Variants in BBX observed in about 807,000 individuals in gnomAD.
BBX encodes the protein HMG box transcription factor BBX.
A neutral mutation model predicts 100.2 loss-of-function variants in BBX; 30 were observed. The observed-to-expected ratio is 0.30, with a 90% confidence interval of 0.22 to 0.41. The LOEUF (loss-of-function observed/expected upper bound fraction) is 0.41, where lower values mean the gene tolerates loss of function less well. Among genes scored for constraint, BBX ranks in the 10% least tolerant of loss-of-function variants. BBX has a pLI of 1.00. For synonymous variants in BBX, 376 were observed against 388.1 expected (o/e 0.97, Z 0.37); for missense variants, 1,023 against 1,129.8 (o/e 0.91, Z 1.35).
At chr3:107,573,752 G>C (rs1010064103) in intron 2 of BBX, among the ~76,000 whole-genome samples, 5 of 151,778 alleles carry the variant, frequency 3.3e-5, no homozygotes, top group Admixed American at 1.3e-4. Flanking sequence ...TTGAGGTAAG[G>C]TTTCGCTCTT....
intron 2 of BBX, among the ~76,000 whole-genome samples, chr3:107,576,348 C>A (rs1328522668): frequency 2.0e-5 from 3 of 152,124 alleles, no homozygotes; most frequent in Non-Finnish European, 2.9e-5. Context: ...GTGATTTTTT[C>A]AATATCTTTT....
intron 5 of BBX, among the ~76,000 whole-genome samples, chr3:107,719,298 G>GTGGATA (rs1250882414): frequency 3.9e-5 from 6 of 152,030 alleles, no homozygotes; most frequent in African/African-American, 1.4e-4. Context: ...GGATGTGGAT[G>GTGGATA]TGAATGCTTA....
chr3:107,736,361 TACA>T (rs1421801159), intron 7 of BBX, among the ~76,000 whole-genome samples: 1 of 151,848 alleles, frequency 6.6e-6, no homozygotes, highest in Non-Finnish European at 1.5e-5. Context: ...GGCAGGGAGC[TACA>T]ACGGAGATGA....
chr3:107,728,091 G>A (rs2063084209), intron 5 of BBX, among the ~76,000 whole-genome samples: 1 of 152,122 alleles, frequency 6.6e-6, no homozygotes, highest in Non-Finnish European at 1.5e-5. Context: ...CTCCAAGTAA[G>A]ACAAAATTTG....
At chr3:107,549,889 A>G (rs1369657298) in intron 2 of BBX, among the ~76,000 whole-genome samples, 3 of 138,744 alleles carry the variant, frequency 2.2e-5, no homozygotes, top group Non-Finnish European at 4.6e-5. Context: ...TTTTTTTTTA[A>G]TACTGAATGG....
At position 107,810,309 on chromosome 3, in the gene BBX, A is replaced by T. The variant is rs1306047751; in HGVS notation, c.*4852A>T. 6.6e-6 allele frequency: 1 copy of T among 151,994 alleles called. No homozygotes were observed. Among genetic ancestry groups the T allele is most frequent in the Non-Finnish European group, 1.5e-5 (1 of 68,014 alleles). 9.4% of individuals were successfully genotyped at this position (151,994 alleles called of 1,614,324 possible). On this transcript the variant is annotated 3_prime_UTR_variant, in exon 18 of 18. Coordinates refer to ENST00000325805, the MANE Select transcript of BBX (RefSeq NM_001142568.3). ...GAGAGAGGAAACCTTGTGGTTAAAA[A>T]TTATATGGCTGCTGTTTTCTTTTTG...
intron 4 of BBX, among the ~76,000 whole-genome samples, chr3:107,712,808 G>C (rs1031367293): frequency 6.6e-6 from 1 of 152,186 alleles, no homozygotes; most frequent in African/African-American, 2.4e-5. Flanking sequence ...ACTGCTCTCT[G>C]TGCTCACTGT....
chr3:107,570,659 TA>T (rs1044818880), intron 2 of BBX, among the ~76,000 whole-genome samples: 1 of 151,836 alleles, frequency 6.6e-6, no homozygotes, highest in Non-Finnish European at 1.5e-5. Context: ...GGGGAGGTGA[TA>T]AAAGGATTAT....
chr3:107,628,579 A>G (rs2056354483), intron 2 of BBX, among the ~76,000 whole-genome samples: 1 of 152,008 alleles, frequency 6.6e-6, no homozygotes, highest in African/African-American at 2.4e-5. Context: ...CATTGAGATT[A>G]TTATTTCCAT....
intron 5 of BBX, among the ~76,000 whole-genome samples, chr3:107,721,142 T>C (rs1178552118): frequency 6.6e-6 from 1 of 152,046 alleles, no homozygotes; most frequent in East Asian, 1.9e-4. Context: ...TATATATTTA[T>C]CCTAGAAATT....
chr3:107,729,116 A>ATCCAGGTATATCATGTATACCTG (rs1381271759), intron 6 of BBX, among the ~76,000 whole-genome samples, 156 bp downstream of exon 6: 10 of 152,196 alleles, frequency 6.6e-5, no homozygotes, highest in African/African-American at 2.4e-4. Context: ...ATCATGATAT[A>ATCCAGGTATATCATGTATACCTG]TATAGAATAC....
chr3:107,581,504 C>T (rs1182437943), intron 2 of BBX, among the ~76,000 whole-genome samples: 1 of 151,446 alleles, frequency 6.6e-6, no homozygotes, highest in Non-Finnish European at 1.5e-5. Context: ...CAGTACTTTG[C>T]ATATACTAGA....
chr3:107,774,933 A>G (rs2067205665), intron 12 of BBX, 76 bp downstream of exon 12: 36 of 1,526,974 alleles, frequency 2.4e-5, no homozygotes, highest in South Asian at 1.4e-4. Flanking sequence ...TAAACAGATC[A>G]CTAACTACGC....
At chr3:107,559,886 A>G (rs1411884146) in intron 2 of BBX, among the ~76,000 whole-genome samples, 8 of 152,102 alleles carry the variant, frequency 5.3e-5, no homozygotes, top group Admixed American at 5.2e-4. Context: ...CTGGGACCAC[A>G]GCCATACAAC....
chr3:107,739,948 C>T (rs1252655400), intron 7 of BBX, among the ~76,000 whole-genome samples: 1 of 152,052 alleles, frequency 6.6e-6, no homozygotes, highest in Non-Finnish European at 1.5e-5. Context: ...TAGTGCTCAG[C>T]CACACAGATT....
At chr3:107,532,397 A>C (rs1413493259) in intron 2 of BBX, among the ~76,000 whole-genome samples, 2 of 152,208 alleles carry the variant, frequency 1.3e-5, no homozygotes, top group Non-Finnish European at 2.9e-5. Context: ...CTTCGAATAT[A>C]CTTAATAAAC....
At chr3:107,795,695 G>C (rs1038023240) in intron 15 of BBX, among the ~76,000 whole-genome samples, 1 of 123,128 alleles carries the variant, frequency 8.1e-6, no homozygotes, top group Non-Finnish European at 1.6e-5. Flanking sequence ...CCAATATACT[G>C]ACCCTTGGGA....
rs1418821885 is a variant in BBX, at chr3:107,806,557, G to GTCA, written c.*1101_*1103dup. The GTCA allele has an allele frequency of 6.6e-6, 1 of 152,186 alleles. No individual in the cohort carries two copies. Among genetic ancestry groups the GTCA allele is most frequent in the East Asian group, 1.9e-4 (1 of 5,198 alleles). The allele number at this position is 152,186 out of a possible 1,614,324, so 9.4% of individuals were successfully genotyped here. On this transcript the variant is annotated 3_prime_UTR_variant, in exon 18 of 18. Transcript: ENST00000325805. ...GTTTGTGTTGTTTAGGAGGTACTGA[G>GTCA]TCAATGATGAGGGAGGTATGCCTGA...
intron 2 of BBX, among the ~76,000 whole-genome samples, chr3:107,570,946 A>G (rs1379560547): frequency 1.3e-5 from 2 of 152,164 alleles, no homozygotes; most frequent in Admixed American, 1.3e-4. Context: ...TTTTTCGACA[A>G]AAATCATCCA....
Sources: allele counts gnomAD v4.1 joint callset (sites outside exome capture counted in the v4.1 genomes callset), GRCh38; gene constraint gnomAD v4.1.1; transcripts MANE v1.5; gene names NCBI Gene and HGNC (gene_info 2026-07-23, HGNC 2026-07-21).